The following EED variants were observed in gnomAD, a reference collection of about 807,000 sequenced individuals.
EED encodes the protein embryonic ectoderm development.
A neutral mutation model predicts 61.0 loss-of-function variants in EED; 9 were observed. The observed-to-expected ratio is 0.15, with a 90% CI of 0.09 to 0.26. The LOEUF is 0.26. EED is among the 10% of genes least tolerant of loss of function. The pLI, the probability that EED is intolerant of heterozygous loss-of-function variation, is 1.00. For synonymous variants in EED, 187 were observed against 174.4 expected (o/e 1.07, Z -0.57); for missense variants, 315 against 542.3 (o/e 0.58, Z 4.16).
intron 9 of EED, among the ~76,000 whole-genome samples, chr11:86,269,198 A>G (rs72963983): frequency 6.6e-6 from 1 of 152,232 alleles, no homozygotes; most frequent in South Asian, 2.1e-4. Flanking sequence ...CACATACTGC[A>G]TACTGCTAGC....
chr11:86,273,552 G>A (rs1001000612), intron 9 of EED, among the ~76,000 whole-genome samples: 2 of 151,816 alleles, frequency 1.3e-5, no homozygotes, highest in African/African-American at 2.4e-5. Flanking sequence ...TTTCTGTTTC[G>A]AAAACTTTCT....
intron 6 of EED, among the ~76,000 whole-genome samples, chr11:86,263,150 T>C (rs181401559): frequency 1.3e-5 from 2 of 152,350 alleles, no homozygotes; most frequent in East Asian, 3.9e-4. Context: ...TTCTCATTTC[T>C]GTCTGAGACC....
intron 9 of EED, among the ~76,000 whole-genome samples, chr11:86,274,157 T>G (rs116072066): frequency 0.03 from 4,621 of 151,830 alleles, 221 homozygotes; most frequent in African/African-American, 0.1. Context: ...TTAAATTTAC[T>G]GACTCTTGAC....
chr11:86,284,514 G>A, the EED span: 1 of 152,210 alleles, frequency 6.6e-6, no homozygotes, highest in Non-Finnish European at 1.5e-5. Context: ...GACAAGACCT[G>A]TTCAGAGGTG....
At chr11:86,274,941 T>C (rs949912734) in intron 9 of EED, among the ~76,000 whole-genome samples, 1 of 152,222 alleles carries the variant, frequency 6.6e-6, no homozygotes, top group Non-Finnish European at 1.5e-5. Context: ...CTAGGGTGTT[T>C]GGCTGGAGTA....
chr11:86,253,027 C>G lies in EED; in HGVS notation c.360+787C>G, dbSNP rs1945574511. On this transcript the variant is annotated intron_variant, in intron 3 of 11. Coordinates refer to ENST00000263360, the MANE Select transcript of EED (RefSeq NM_003797.5). ...CCTCCCAAAGAGCTGGGGTTGCAGT[C>G]ATGAGCCACCATGTCCAGCCTTTTA... 1.3e-5 allele frequency among the ~76,000 whole-genome samples: 2 copies of G among 152,184 alleles called. 1 individual carries two copies. Among genetic ancestry groups the G allele is most frequent in the South Asian group, 4.1e-4 (2 of 4,830 alleles).
intron 10 of EED, 75 bp from the exon 11 acceptor site, chr11:86,277,843 G>A: frequency 7.2e-7 from 1 of 1,397,910 alleles, no homozygotes; most frequent in Non-Finnish European, 9.5e-7. Flanking sequence ...CAAGAAAGCT[G>A]TCTGAGGATT....
chr11:86,249,378 AT>A, intron 1 of EED, among the ~76,000 whole-genome samples: 1 of 130,918 alleles, frequency 7.6e-6, no homozygotes. Flanking sequence ...TAGGCATTTC[AT>A]GGAAAAAAAA....
At chr11:86,279,329 C>A (rs1188786785), downstream of EED, among the ~76,000 whole-genome samples, 1 of 152,168 alleles carries the variant, frequency 6.6e-6, no homozygotes, top group African/African-American at 2.4e-5. Context: ...TGGGTTGGAT[C>A]ATGAAAGAGA....
chr11:86,281,407 C>A (rs567838999), downstream of EED, among the ~76,000 whole-genome samples: 3 of 151,706 alleles, frequency 2.0e-5, no homozygotes, highest in Admixed American at 1.3e-4. Flanking sequence ...TTTGTTTTTT[C>A]ATTTTTTTAT....
chr11:86,278,340 G>C, intron 11 of EED, 59 bp from the exon 12 acceptor site: 1 of 1,575,406 alleles, frequency 6.3e-7, no homozygotes, highest in Non-Finnish European at 8.7e-7. Context: ...CGCTGTTTTA[G>C]GGTAGACACT....
intron 4 of EED, among the ~76,000 whole-genome samples, chr11:86,255,803 A>G (rs1269460702): frequency 1.3e-5 from 2 of 152,164 alleles, no homozygotes; most frequent in Non-Finnish European, 2.9e-5. Context: ...ATAAAGAAAC[A>G]GAAAAATTTG....
intron 1 of EED, among the ~76,000 whole-genome samples, chr11:86,249,378 A>G (rs1402644393): frequency 7.6e-6 from 1 of 130,918 alleles, no homozygotes; most frequent in African/African-American, 3.0e-5. Context: ...TAGGCATTTC[A>G]TGGAAAAAAA....
At chr11:86,251,201 T>C (rs1945522216) in intron 2 of EED, among the ~76,000 whole-genome samples, 1 of 152,212 alleles carries the variant, frequency 6.6e-6, no homozygotes, top group African/African-American at 2.4e-5. Flanking sequence ...AAGCTATGAC[T>C]ATGACATTTT....
intron 6 of EED, among the ~76,000 whole-genome samples, chr11:86,262,458 A>G (rs1414181927): frequency 6.6e-6 from 1 of 152,012 alleles, no homozygotes; most frequent in Admixed American, 6.5e-5. Context: ...GCTTTTATTT[A>G]TTTATTTAAT....
At chr11:86,273,266 C>T (rs1946158041) in intron 9 of EED, among the ~76,000 whole-genome samples, 1 of 152,206 alleles carries the variant, frequency 6.6e-6, no homozygotes, top group African/African-American at 2.4e-5. Context: ...CAGGTGATTC[C>T]CCTGCATTGG....
intron 6 of EED, 87 bp from the exon 7 acceptor site, chr11:86,264,085 T>C (rs1945912934): frequency 9.7e-7 from 1 of 1,028,698 alleles, no homozygotes; most frequent in African/African-American, 1.6e-5. Flanking sequence ...AACTTACATC[T>C]AGACTTTAGT....
At chr11:86,261,565 A>G (rs1945829706) in intron 6 of EED, among the ~76,000 whole-genome samples, 1 of 152,330 alleles carries the variant, frequency 6.6e-6, no homozygotes, top group African/African-American at 2.4e-5. Flanking sequence ...GTGTTGCTGT[A>G]GTAGGAACTG....
chr11:86,286,971 C>CAAAA, the EED span, among the ~76,000 whole-genome samples: 28 of 68,290 alleles, frequency 4.1e-4, no homozygotes, highest in Non-Finnish European at 4.9e-4. Flanking sequence ...GACTCCGTCT[C>CAAAA]AAAAAAAAAA....
Sources: allele counts gnomAD v4.1 joint callset (sites outside exome capture counted in the v4.1 genomes callset), GRCh38; gene constraint gnomAD v4.1.1; transcripts MANE v1.5; gene names NCBI Gene and HGNC (gene_info 2026-07-23, HGNC 2026-07-21).